The following FAM227B variants were observed in gnomAD, a reference collection of about 807,000 sequenced individuals.
FAM227B encodes protein FAM227B.
FAM227B carries 88 observed loss-of-function variants against 73.8 expected under a neutral mutation model. The observed-to-expected ratio is 1.19, with a 90% confidence interval of 1.00 to 1.42. The LOEUF (loss-of-function observed/expected upper bound fraction) is 1.42, where lower values mean the gene tolerates loss of function less well. FAM227B is among the 40% of genes most tolerant of loss of function. The pLI, the probability that FAM227B is intolerant of heterozygous loss-of-function variation, is 0.00. For synonymous variants in FAM227B, 210 were observed against 190.5 expected, an observed-to-expected ratio of 1.10 and a Z score of -0.84; for missense variants, 632 against 590.9, an observed-to-expected ratio of 1.07 and a Z score of -0.72.
chr15:49,463,906 C>T (rs1337142768), intron 11 of FAM227B, among the ~76,000 whole-genome samples: 1 of 149,832 alleles, frequency 6.7e-6, no homozygotes, highest in Non-Finnish European at 1.5e-5. Context: ...TTTGATGTGG[C>T]TCAACAAACA....
chr15:49,549,938 T>C (rs76980976), intron 9 of FAM227B, among the ~76,000 whole-genome samples: 6,154 of 71,304 alleles, frequency 0.086, 381 homozygotes, highest in Non-Finnish European at 0.12. Context: ...CCCTCCCGGA[T>C]GGGGCGGCTG....
chr15:49,497,280 T>C (rs948017576), intron 11 of FAM227B, among the ~76,000 whole-genome samples: 3 of 152,208 alleles, frequency 2.0e-5, no homozygotes, highest in African/African-American at 4.8e-5. Flanking sequence ...AGCATACTTA[T>C]GGCACCAGTA....
chr15:49,574,907 G>A, intron 8 of FAM227B, 104 bp downstream of exon 8: 1 of 606,508 alleles, frequency 1.6e-6, no homozygotes, highest in Non-Finnish European at 2.9e-6. Context: ...ACTAATCTCT[G>A]TAGTTGCATC....
intron 11 of FAM227B, among the ~76,000 whole-genome samples, chr15:49,430,470 G>C (rs1266111817): frequency 6.6e-6 from 1 of 151,802 alleles, no homozygotes; most frequent in Non-Finnish European, 1.5e-5. Context: ...GGAAACCCAG[G>C]GGGAGAGAAC....
At position 49,472,223 on chromosome 15, in the gene FAM227B, T is replaced by A. The variant is rs563267094; in HGVS notation, c.1012+35988A>T. 3.3e-5 allele frequency among the ~76,000 whole-genome samples: 5 copies of A among 152,304 alleles called. No individual in the cohort carries two copies. In the South Asian group the frequency reaches 1.0e-3, roughly 32 times the overall value. On this transcript the variant is annotated intron_variant, in intron 11 of 15. Coordinates refer to ENST00000299338, the MANE Select transcript of FAM227B (RefSeq NM_152647.3). ...ATTCAGTTTGGCTTAAAAAATTGTTTATTTCTCCATGCAATAAACATCTGG... is the reference window on the plus strand; with the variant it reads ...ATTCAGTTTGGCTTAAAAAATTGTTAATTTCTCCATGCAATAAACATCTGG...
At chr15:49,610,439 A>C (rs1337397642) in intron 3 of FAM227B, among the ~76,000 whole-genome samples, 1 of 151,136 alleles carries the variant, frequency 6.6e-6, no homozygotes, top group Non-Finnish European at 1.5e-5. Context: ...AAAAAAAAAA[A>C]AACTTGTCTA....
intron 11 of FAM227B, among the ~76,000 whole-genome samples, chr15:49,419,195 A>G (rs1359445499): frequency 1.3e-5 from 2 of 152,276 alleles, no homozygotes; most frequent in East Asian, 3.9e-4. Context: ...TCTCTGGAGT[A>G]TTGCTGCCTC....
chr15:49,547,124 T>C (rs1277434918), intron 9 of FAM227B, among the ~76,000 whole-genome samples: 2 of 152,158 alleles, frequency 1.3e-5, no homozygotes, highest in African/African-American at 4.8e-5. Flanking sequence ...GGACCAATAT[T>C]CAACATTCTT....
At chr15:49,587,509 C>T (rs1201865145) in intron 5 of FAM227B, among the ~76,000 whole-genome samples, 1 of 152,008 alleles carries the variant, frequency 6.6e-6, no homozygotes, top group African/African-American at 2.4e-5. Context: ...AAAAATAAAG[C>T]ATTAAATGAG....
At chr15:49,500,725 C>A (rs2058069025) in intron 11 of FAM227B, among the ~76,000 whole-genome samples, 1 of 152,180 alleles carries the variant, frequency 6.6e-6, no homozygotes. Context: ...CTACCCCCAA[C>A]CAAATCTCAT....
At chr15:49,484,126 A>AC (rs1266959450) in intron 11 of FAM227B, among the ~76,000 whole-genome samples, 1 of 152,018 alleles carries the variant, frequency 6.6e-6, no homozygotes, top group Non-Finnish European at 1.5e-5. Context: ...AATTTAAGAT[A>AC]CCTTTTTATG....
At chr15:49,577,513 C>G in intron 6 of FAM227B, 116 bp downstream of exon 6, 1 of 591,952 alleles carries the variant, frequency 1.7e-6, no homozygotes, top group Non-Finnish European at 2.9e-6. Context: ...GTTTCCAACT[C>G]TCTCCTCTGG....
At chr15:49,391,243 T>C (rs1445772313) in intron 11 of FAM227B, among the ~76,000 whole-genome samples, 1 of 152,106 alleles carries the variant, frequency 6.6e-6, no homozygotes, top group Non-Finnish European at 1.5e-5. Flanking sequence ...TATTCACACA[T>C]TTCTTTAAGA....
intron 11 of FAM227B, among the ~76,000 whole-genome samples, chr15:49,467,500 G>C (rs1435467852): frequency 6.6e-6 from 1 of 152,052 alleles, no homozygotes; most frequent in Non-Finnish European, 1.5e-5. Context: ...AGATATTTTA[G>C]ACTTTAGGAA....
Position 49,500,754 on chromosome 15 carries a change from A to G in FAM227B, c.1012+7457T>C, listed in dbSNP as rs143856486. Among the ~76,000 whole-genome samples the G allele has an allele frequency of 6.4e-3, 979 of 152,194 alleles. 4 individuals carry two copies. Among genetic ancestry groups the G allele is most frequent in the Non-Finnish European group, 9.5e-3 (645 of 67,976 alleles). ...ATCTCATGTTGAAATGTAATCCCCA[A>G]TGTTGGATGTGGGGCCTGGTGGGAG... On this transcript the variant is annotated intron_variant, in intron 11 of 15. Coordinates refer to ENST00000299338, the MANE Select transcript of FAM227B (RefSeq NM_152647.3).
intron 13 of FAM227B, chr15:49,365,188 G>A (rs2044919988): frequency 3.8e-6 from 3 of 793,590 alleles, no homozygotes; most frequent in African/African-American, 1.7e-5. Context: ...AATACAGATG[G>A]TCCATCATCT....
intron 3 of FAM227B, among the ~76,000 whole-genome samples, chr15:49,603,673 AAT>A (rs953922007): frequency 6.6e-5 from 10 of 152,142 alleles, no homozygotes; most frequent in African/African-American, 2.4e-4. Flanking sequence ...ACTATGGTTG[AAT>A]AATAGCAGTG....
intron 11 of FAM227B, among the ~76,000 whole-genome samples, chr15:49,467,734 A>T (rs758889262): frequency 2.2e-4 from 33 of 152,152 alleles, no homozygotes; most frequent in South Asian, 2.1e-4. Context: ...AAAAGTTTAG[A>T]ATCTTTAGTG....
At chr15:49,550,409 G>C (rs1187061954) in intron 9 of FAM227B, among the ~76,000 whole-genome samples, 1 of 151,804 alleles carries the variant, frequency 6.6e-6, no homozygotes, top group East Asian at 2.0e-4. Flanking sequence ...TCCCGGACGG[G>C]GTGGCTGCTG....
Sources: allele counts gnomAD v4.1 joint callset (sites outside exome capture counted in the v4.1 genomes callset), GRCh38; gene constraint gnomAD v4.1.1; transcripts MANE v1.5; gene names NCBI Gene and HGNC (gene_info 2026-07-23, HGNC 2026-07-21).